STRIP1: variants seen among roughly 807,000 people sequenced by gnomAD.
STRIP1 encodes the protein striatin-interacting protein 1.
Under a neutral mutation model 106.2 loss-of-function variants are expected in STRIP1, and 63 were observed. The observed-to-expected ratio is 0.59, with a 90% CI of 0.48 to 0.73. STRIP1 has a LOEUF of 0.73. STRIP1 is among the 30% of genes least tolerant of loss of function. STRIP1 has a pLI of 0.00. For missense variants in STRIP1, 857 were observed against 1,074.8 expected (o/e 0.80, Z 2.83); for synonymous variants, 390 against 413.0 (o/e 0.94, Z 0.67).
Position 110,051,678 on chromosome 1 carries a change from C to T in STRIP1, c.2062-5C>T, listed in dbSNP as rs1321255163. 3 of 1,596,290 alleles carry T rather than the reference C, an allele frequency of 1.9e-6. No individual in the cohort carries two copies. The highest frequency in any genetic ancestry group is 2.7e-5 in the African/African-American group (2 of 74,574). ...CTTGGGCTGCTTGCTTGTTTCCCTTCCCAGATGCTGGTGGTGTTCAAGTCA... is the reference window on the plus strand; with the variant it reads ...CTTGGGCTGCTTGCTTGTTTCCCTTTCCAGATGCTGGTGGTGTTCAAGTCA... On this transcript the variant is annotated splice_region_variant and splice_polypyrimidine_tract_variant and intron_variant, in intron 19 of 20. Coordinates refer to ENST00000369795, the MANE Select transcript of STRIP1 (RefSeq NM_033088.4).
At chr1:110,049,081 TG>T (rs749316304) in intron 15 of STRIP1, 30 bp from the exon 16 acceptor site, 1 of 1,614,038 alleles carries the variant, frequency 6.2e-7, no homozygotes, top group East Asian at 2.2e-5. Flanking sequence ...CTGCGCATGC[TG>T]GTGGCTTACC....
chr1:110,034,767 C>G lies in STRIP1; in HGVS notation c.130C>G (p.Pro44Ala). The G allele has an allele frequency of 6.9e-7, 1 of 1,446,232 alleles. No homozygotes were observed. The highest frequency in any genetic ancestry group is 9.0e-7 in the Non-Finnish European group (1 of 1,106,204). The allele number at this position is 1,446,232 out of a possible 1,614,324, so 89.6% of individuals were successfully genotyped here. A position where few individuals can be genotyped will look rare whatever the true frequency, so the allele number is the denominator to read the frequency against. The change falls in exon 1 of 21, where the codon CCT becomes GCT. Residue 44 changes from proline (P) to alanine (A), a missense_variant. Pro to Ala is a conservative substitution (Grantham distance 27, BLOSUM62 -1). Transcript: ENST00000369795. Reference sequence around the variant, plus strand: ...ACCGCGGGCCGCCGCGGGCCTCCTGCCTGGGGGCAAAGCCCGCGAGTTCAA... The same window carrying G: ...ACCGCGGGCCGCCGCGGGCCTCCTGGCTGGGGGCAAAGCCCGCGAGTTCAA... Reference protein sequence around the residue: ...GAPRAAAGLLPGGKAREFNRN... With the variant: ...GAPRAAAGLLAGGKAREFNRN...
In STRIP1 at chr1:110,039,445, T is replaced by C. The variant is rs146504207; in HGVS notation, c.511T>C (p.Tyr171His). 6.2e-6 allele frequency: 10 copies of C among 1,613,712 alleles called. No homozygotes were observed. The African/African-American group carries it at 1.3e-4, about 21-fold the overall frequency. The stretch of plus-strand genomic sequence containing the variant: ...GGCAGAGGTGCAGTCCTGGATGCGC[T>C]ACAACATCTTTCTCCTCCTGGAGGT... ...SEAEVQSWMR[Y>H]NIFLLLEVGT... Residue 171 changes from tyrosine (Y) to histidine (H), a missense_variant, in exon 5 of 21, where the codon TAC (tyrosine) becomes CAC (histidine). Around this residue, in one of 2 missense-constraint regions of STRIP1, gnomAD observed 750 missense variants for 989.8 expected, o/e 0.76. Coordinates refer to ENST00000369795, the MANE Select transcript of STRIP1 (RefSeq NM_033088.4).
At position 110,039,521 on chromosome 1, in the gene STRIP1, C is replaced by A; in HGVS notation, c.581+6C>A. On this transcript the variant is annotated splice_donor_region_variant and intron_variant, in intron 5 of 20. Transcript: ENST00000369795. Reference sequence around the variant, plus strand: ...CTTCTGAACATGGAAATAGAGTGAGCATTTTTGAGAGGCTGAGTAGGGAAG... The same window carrying A: ...CTTCTGAACATGGAAATAGAGTGAGAATTTTTGAGAGGCTGAGTAGGGAAG... 6.3e-7 allele frequency: 1 copy of A among 1,595,362 alleles called. No homozygotes were observed. Among genetic ancestry groups the A allele is most frequent in the Non-Finnish European group, 8.5e-7 (1 of 1,170,886 alleles).
At chr1:110,047,438 A>G (rs1653080248) in intron 13 of STRIP1, 104 bp from the exon 14 acceptor site, 2 of 813,384 alleles carry the variant, frequency 2.5e-6, no homozygotes, top group South Asian at 1.5e-5. Context: ...TAACATCATT[A>G]TGTACATCAC....
At chr1:110,044,790 G>A (rs760310753) in intron 10 of STRIP1, 50 bp from the exon 11 acceptor site, 33 of 1,574,224 alleles carry the variant, frequency 2.1e-5, no homozygotes, top group Non-Finnish European at 2.9e-5. Context: ...CTTTGAAATA[G>A]CATTTGCTAA....
At chr1:110,036,989 A>G (rs1252523255) in intron 1 of STRIP1, among the ~76,000 whole-genome samples, 1 of 152,102 alleles carries the variant, frequency 6.6e-6, no homozygotes, top group Non-Finnish European at 1.5e-5. Flanking sequence ...ATGTAAAAAT[A>G]TATTTTTAAA....
chr1:110,034,486 G>C (rs1017707733), upstream of STRIP1: 57 of 813,630 alleles, frequency 7.0e-5, no homozygotes, highest in Non-Finnish European at 9.1e-5. Flanking sequence ...ACTGCAGACA[G>C]AATATCGCGA....
At chr1:110,050,790 C>T (rs913359026) in intron 18 of STRIP1, among the ~76,000 whole-genome samples, 166 bp from the exon 19 acceptor site, 1 of 152,290 alleles carries the variant, frequency 6.6e-6, no homozygotes, top group Middle Eastern at 3.4e-3. Flanking sequence ...TTCCCCTAGT[C>T]CCCTGCCAGC....
chr1:110,039,724 G>A, intron 5 of STRIP1: 1 of 1,042,838 alleles, frequency 9.6e-7, no homozygotes, highest in South Asian at 1.4e-5. Context: ...GCAGCTCCCT[G>A]ATGCCAGAGT....
Position 110,043,129 on chromosome 1 carries a change from T to G in STRIP1, c.927T>G (p.Ala309=). Residue 309 remains alanine (A), a synonymous_variant, in exon 9 of 21, where the codon GCT becomes GCG. Transcript: ENST00000369795. The part of the protein sequence containing the change: ...GGFEELQSMK[A]EKRSILGLPP... ...TTGAGGAGCTGCAGAGCATGAAGGCTGAGAAGCGCAGCATCCTGGGCCTCC... is the reference window on the plus strand; with the variant it reads ...TTGAGGAGCTGCAGAGCATGAAGGCGGAGAAGCGCAGCATCCTGGGCCTCC... The G allele has an allele frequency of 6.2e-7, 1 of 1,613,958 alleles. No homozygotes were observed. Among genetic ancestry groups the G allele is most frequent in the East Asian group, 2.2e-5 (1 of 44,888 alleles).
intron 17 of STRIP1, 71 bp downstream of exon 17, chr1:110,049,631 C>A: frequency 2.7e-6 from 3 of 1,131,806 alleles, no homozygotes; most frequent in African/African-American, 1.5e-5. Context: ...GTATTTCCCA[C>A]TGTGTCCATT....
chr1:110,047,927 A>G, intron 15 of STRIP1, 58 bp downstream of exon 15: 4 of 1,399,148 alleles, frequency 2.9e-6, no homozygotes, highest in Non-Finnish European at 4.0e-6. Flanking sequence ...AGAAGGGCAA[A>G]CATTTTCCTC....
At chr1:110,049,339 A>C in intron 16 of STRIP1, 101 bp downstream of exon 16, 2 of 1,581,118 alleles carry the variant, frequency 1.3e-6, no homozygotes, top group Non-Finnish European at 1.7e-6. Flanking sequence ...GACCCACTTG[A>C]ACTCTGCATG....
rs1652852267 is a variant in STRIP1 at position 110,043,180 on chromosome 1, A to G, written c.978A>G (p.Lys326=). The G allele has an allele frequency of 6.2e-7, 1 of 1,614,034 alleles. No homozygotes were observed. ...CCCCGCTTCCTGAGGACAGCATCAA[A>G]GTGATTCGCAACATGAGAGCAGCCT... is the stretch of plus-strand genomic sequence containing the variant. The part of the protein sequence containing the change: ...GLPPLPEDSI[K]VIRNMRAASP... The change falls in exon 9 of 21, where the codon AAA becomes AAG. Residue 326 remains lysine (K), a synonymous_variant. Coordinates refer to ENST00000369795, the MANE Select transcript of STRIP1 (RefSeq NM_033088.4).
rs1480327173 is a variant in STRIP1, at chr1:110,041,831, A to G, written c.855A>G (p.Lys285=). The change falls in exon 8 of 21, where the codon AAA becomes AAG. Residue 285 remains lysine (K), a synonymous_variant. Transcript: ENST00000369795. ...ACGCCCCTCACTTTCCCATGAAGAA[A>G]GTTCTCTTGCTGCTCTGGAAGACAG... The part of the protein sequence containing the change: ...SGHAPHFPMK[K]VLLLLWKTVL... 6.2e-7 allele frequency: 1 copy of G among 1,614,200 alleles called. No homozygotes were observed.
rs749901732 is a variant in STRIP1 at position 110,046,715 on chromosome 1, G to A, written c.1452G>A (p.Gln484=). ...KYTSIAEVQA[Q]MEEEYLRSPL... is the part of the protein sequence containing the mutation. ...CGTCGATTGCAGAGGTCCAGGCACA[G>A]ATGGAGGAGGAATACCTCCGCTCCC... Residue 484 remains glutamine (Q), a synonymous_variant, in exon 13 of 21, where the codon CAG becomes CAA. Coordinates refer to ENST00000369795, the MANE Select transcript of STRIP1 (RefSeq NM_033088.4). The A allele has an allele frequency of 6.2e-7, 1 of 1,613,550 alleles. No homozygotes were observed. Among genetic ancestry groups the A allele is most frequent in the Admixed American group, 1.7e-5 (1 of 60,018 alleles).
chr1:110,047,596 C>T lies in STRIP1; in HGVS notation c.1543C>T (p.Pro515Ser). ...AGAAACCCTCTACCAAGGCTTGCTC[C>T]CCAGCCTGCCTCAGTATATGGTGAG... ...PAETLYQGLL[P>S]SLPQYMIALL... Residue 515 changes from proline to serine, a missense_variant, in exon 14 of 21, where the codon CCC becomes TCC. By Grantham distance (74) the Pro-to-Ser change is moderately conservative (BLOSUM62 -1). This residue lies in a region of STRIP1 where 750 missense variants were observed against 989.8 expected (regional missense o/e 0.76). Coordinates refer to ENST00000369795, the MANE Select transcript of STRIP1 (RefSeq NM_033088.4). The T allele has an allele frequency of 6.2e-7, 1 of 1,611,088 alleles. No individual in the cohort carries two copies.
intron 20 of STRIP1, 25 bp downstream of exon 20, chr1:110,051,912 T>G (rs188811757): frequency 3.7e-6 from 6 of 1,609,842 alleles, no homozygotes; most frequent in Non-Finnish European, 5.1e-6. Context: ...TCAGCCAGAT[T>G]TGGGTGGGAG....
Sources: gnomAD v4.1 joint callset for allele counts (sites outside exome capture counted in the v4.1 genomes callset) on GRCh38, gnomAD v4.1.1 for gene constraint, gnomAD v4.1.1 regional missense constraint, MANE v1.5 for transcripts, NCBI Gene and HGNC (gene_info 2026-07-23, HGNC 2026-07-21) for gene names.